Variants in DRC8 observed in about 807,000 individuals in gnomAD.
The protein encoded by DRC8 is dynein regulatory complex subunit 8.
chr1:245,092,643 G>T, the DRC8 span, among the ~76,000 whole-genome samples: 1 of 152,204 alleles, frequency 6.6e-6, no homozygotes, highest in African/African-American at 2.4e-5. Flanking sequence ...TCTGGAGGTA[G>T]GGTCCAGGAA....
the DRC8 span, among the ~76,000 whole-genome samples, chr1:244,973,710 T>G: frequency 6.6e-6 from 1 of 152,198 alleles, no homozygotes; most frequent in Non-Finnish European, 1.5e-5. Context: ...GAAATACACA[T>G]ATGTTTTAAA....
the DRC8 span, among the ~76,000 whole-genome samples, chr1:245,055,667 C>T: frequency 1.5e-3 from 222 of 152,158 alleles, no homozygotes; most frequent in Non-Finnish European, 2.6e-3. Flanking sequence ...ATGCAGTCCT[C>T]GATATTTGTA....
At chr1:245,119,825 C>T in the DRC8 span, among the ~76,000 whole-genome samples, 27 of 150,108 alleles carry the variant, frequency 1.8e-4, no homozygotes, top group Admixed American at 6.0e-4. Flanking sequence ...CCCAGCTACT[C>T]GGGAGGCTGA....
At chr1:245,028,531 A>C in the DRC8 span, among the ~76,000 whole-genome samples, 21 of 152,166 alleles carry the variant, frequency 1.4e-4, no homozygotes, top group African/African-American at 4.6e-4. Context: ...CAATCATTAT[A>C]GTTACGTTCT....
At chr1:245,066,799 C>T in the DRC8 span, among the ~76,000 whole-genome samples, 7 of 151,878 alleles carry the variant, frequency 4.6e-5, no homozygotes, top group Admixed American at 2.0e-4. Flanking sequence ...CCCAGCTACT[C>T]GGGAGGCTGA....
At chr1:244,975,134 A>G in the DRC8 span, among the ~76,000 whole-genome samples, 18 of 152,058 alleles carry the variant, frequency 1.2e-4, no homozygotes, top group South Asian at 4.1e-4. Flanking sequence ...GTTTCACCGT[A>G]TTAGCCAGGA....
At chr1:244,984,784 G>A in the DRC8 span, among the ~76,000 whole-genome samples, 1 of 150,224 alleles carries the variant, frequency 6.7e-6, no homozygotes, top group East Asian at 2.0e-4. Context: ...GCGGTGAGCC[G>A]AGATCATGCC....
At chr1:245,079,614 A>G in the DRC8 span, among the ~76,000 whole-genome samples, 3 of 152,182 alleles carry the variant, frequency 2.0e-5, no homozygotes, top group East Asian at 3.8e-4. Flanking sequence ...TGGAAAAACA[A>G]ACCACGGTTC....
At chr1:245,108,111 T>TA in the DRC8 span, among the ~76,000 whole-genome samples, 3 of 152,120 alleles carry the variant, frequency 2.0e-5, no homozygotes, top group African/African-American at 7.2e-5. Context: ...TCCTTTCCTT[T>TA]AGACGTCTCT....
the DRC8 span, among the ~76,000 whole-genome samples, chr1:245,004,464 A>G: frequency 6.6e-6 from 1 of 151,928 alleles, no homozygotes; most frequent in Non-Finnish European, 1.5e-5. Context: ...CCCAGTCTCA[A>G]ACTCCTGGGC....
chr1:245,091,811 CA>C, the DRC8 span: 2 of 152,358 alleles, frequency 1.3e-5, no homozygotes, highest in Non-Finnish European at 2.9e-5. Flanking sequence ...CCTTTACACT[CA>C]AATCACTTCA....
At chr1:245,046,958 C>T in the DRC8 span, among the ~76,000 whole-genome samples, 2 of 152,150 alleles carry the variant, frequency 1.3e-5, no homozygotes, top group Non-Finnish European at 2.9e-5. Context: ...AGCTGGGAGC[C>T]GCTGCTCCGT....
At chr1:244,985,985 C>T in the DRC8 span, among the ~76,000 whole-genome samples, 1 of 150,868 alleles carries the variant, frequency 6.6e-6, no homozygotes, top group Non-Finnish European at 1.5e-5. Context: ...GACAGAGTTT[C>T]ACTCTTGTTG....
the DRC8 span, chr1:245,087,349 G>A: frequency 6.3e-7 from 1 of 1,583,142 alleles, no homozygotes; most frequent in Admixed American, 2.1e-5. Context: ...GATGGTGATA[G>A]ATGAAAATTA....
At chr1:245,093,918 C>G in the DRC8 span, among the ~76,000 whole-genome samples, 18 of 152,118 alleles carry the variant, frequency 1.2e-4, no homozygotes, top group African/African-American at 3.9e-4. Flanking sequence ...TAAGAAATCT[C>G]AAAAGAGGCT....
the DRC8 span, chr1:245,087,832 C>T: frequency 3.8e-6 from 3 of 798,256 alleles, no homozygotes; most frequent in African/African-American, 1.8e-5. Flanking sequence ...ATAAATATTA[C>T]TAATTTATTT....
chr1:245,041,745 T>C, the DRC8 span, among the ~76,000 whole-genome samples: 1 of 152,124 alleles, frequency 6.6e-6, no homozygotes, highest in South Asian at 2.1e-4. Flanking sequence ...GGGTGGGCCC[T>C]AATCCAATCT....
At chr1:245,119,037 G>A in the DRC8 span, among the ~76,000 whole-genome samples, 1 of 152,176 alleles carries the variant, frequency 6.6e-6, no homozygotes, top group Non-Finnish European at 1.5e-5. Flanking sequence ...ATGAGATGCT[G>A]GCGGAGCCCA....
chr1:245,083,660 C>T, the DRC8 span: 87 of 1,610,946 alleles, frequency 5.4e-5, no homozygotes, highest in African/African-American at 9.4e-5. Flanking sequence ...TTACTAAGGA[C>T]GAGCTGATCA....
Sources: allele counts gnomAD v4.1 joint callset (sites outside exome capture counted in the v4.1 genomes callset), GRCh38; gene constraint gnomAD v4.1.1; transcripts MANE v1.5; gene names NCBI Gene and HGNC (gene_info 2026-07-23, HGNC 2026-07-21).